MOCS1: variants seen among roughly 807,000 people sequenced by gnomAD.
MOCS1 encodes molybdenum cofactor synthesis 1.
In MOCS1, 39 loss-of-function variants were observed where a neutral mutation model predicts 57.6. The ratio of observed to expected loss-of-function variants is 0.68; its 90% CI spans 0.52 to 0.88. The LOEUF is 0.88. Among genes scored for constraint, MOCS1 ranks in the 40% least tolerant of loss-of-function variants. The pLI is 0.00. For missense variants in MOCS1, 795 were observed against 831.1 expected (o/e 0.96, Z 0.53); for synonymous variants, 334 against 335.7 (o/e 1.00, Z 0.05).
chr6:39,925,132 CAT>C (rs776393597), intron 3 of MOCS1, among the ~76,000 whole-genome samples: 18 of 152,296 alleles, frequency 1.2e-4, no homozygotes, highest in Middle Eastern at 3.4e-3. Context: ...GACAAAAACA[CAT>C]GTCGGCCCAG....
In MOCS1 at chr6:39,904,552, C is replaced by T. The variant is rs1562075641; in HGVS notation, c.*1805G>A. ...TCATCAACCTAACAAACACAACCTTCTCAGCAGCATTTCTCCCCTGTGATG... is the reference window on the plus strand; with the variant it reads ...TCATCAACCTAACAAACACAACCTTTTCAGCAGCATTTCTCCCCTGTGATG... On this transcript the variant is annotated 3_prime_UTR_variant, in exon 11 of 11. Coordinates refer to ENST00000340692, the MANE Select transcript of MOCS1 (RefSeq NM_001358530.2). 2.2e-6 allele frequency: 1 copy of T among 453,872 alleles called. No individual in the cohort carries two copies. Among genetic ancestry groups the T allele is most frequent in the Admixed American group, 2.3e-5 (1 of 42,568 alleles). 28.1% of individuals were successfully genotyped at this position (453,872 alleles called of 1,614,324 possible). A position where few individuals can be genotyped will look rare whatever the true frequency, so the allele number is the denominator to read the frequency against.
At chr6:39,931,787 G>T (rs1316493314) in intron 1 of MOCS1, among the ~76,000 whole-genome samples, 2 of 151,908 alleles carry the variant, frequency 1.3e-5, no homozygotes, top group African/African-American at 2.4e-5. Context: ...CCTTTGCCTT[G>T]CCTAGACTCA....
chr6:39,929,872 G>T (rs1768552720), intron 1 of MOCS1, among the ~76,000 whole-genome samples: 1 of 147,894 alleles, frequency 6.8e-6, no homozygotes, highest in Admixed American at 6.8e-5. Context: ...AACCCAGAAG[G>T]CAGATGTGGC....
At chr6:39,931,327 T>C (rs1386450163) in intron 1 of MOCS1, among the ~76,000 whole-genome samples, 1 of 152,102 alleles carries the variant, frequency 6.6e-6, no homozygotes, top group Non-Finnish European at 1.5e-5. Context: ...AGCCCTCAAA[T>C]AGCTCCAAAG....
rs1768246948 is a variant in MOCS1, at chr6:39,925,727, C to A, written c.369G>T (p.Arg123=). Residue 123 remains arginine, a synonymous_variant, in exon 3 of 11, where the codon CGG becomes CGT. Transcript: ENST00000340692. ...LFVKEGIDKI[R]LTGGEPLIRP... is the part of the protein sequence containing the mutation. ...GGATAAGCGGCTCTCCACCTGTGAG[C>A]CGGATCTTGTCGATGCCTTCCTTCA... 1 of 1,612,858 alleles carries A rather than the reference C, an allele frequency of 6.2e-7. No individual in the cohort carries two copies. The highest frequency in any genetic ancestry group is 8.5e-7 in the Non-Finnish European group (1 of 1,179,992).
intron 5 of MOCS1, 119 bp from the exon 6 acceptor site, chr6:39,913,547 C>A: frequency 1.0e-6 from 1 of 991,476 alleles, no homozygotes; most frequent in South Asian, 1.3e-5. Context: ...CCTTGCTTCT[C>A]CCACTCAGTT....
rs1368902536 is a variant in MOCS1, at chr6:39,927,470, C to G, written c.124-15G>C. On this transcript the variant is annotated splice_polypyrimidine_tract_variant and intron_variant, in intron 1 of 10. Transcript: ENST00000340692. The stretch of plus-strand genomic sequence containing the variant: ...CTGGACACCTCCTGCGAGGACAGAC[C>G]AGGGAGGAAGCATGGGCCCCTGCTA... The G allele has an allele frequency of 1.9e-6, 3 of 1,610,106 alleles. No homozygotes were observed. In the African/African-American group the frequency reaches 4.0e-5, roughly 22 times the overall value.
chr6:39,912,741 G>A (rs1402444493), intron 7 of MOCS1, 151 bp downstream of exon 7: 1 of 748,408 alleles, frequency 1.3e-6, no homozygotes, highest in African/African-American at 1.7e-5. Context: ...AAACAGGGAG[G>A]TGGTTGTGAT....
intron 1 of MOCS1, among the ~76,000 whole-genome samples, chr6:39,929,498 C>A (rs1657228761): frequency 6.6e-6 from 1 of 151,946 alleles, no homozygotes; most frequent in African/African-American, 2.4e-5. Flanking sequence ...GCCAAGATAC[C>A]CCCCCTCAAC....
Position 39,906,762 on chromosome 6 carries a change from T to C in MOCS1, c.1506A>G (p.Thr502=), listed in dbSNP as rs889104419. 3.1e-6 allele frequency: 5 copies of C among 1,614,118 alleles called. No homozygotes were observed. In the African/African-American group the frequency reaches 5.3e-5, roughly 17 times the overall value. The part of the protein sequence containing the change: ...AMVDVGRKPD[T]ERVAVASAVV... ...CGGCTGAAGCCACAGCCACCCGCTCTGTGTCTGGCTTCCTGCCCACATCTA... is the reference window on the plus strand; with the variant it reads ...CGGCTGAAGCCACAGCCACCCGCTCCGTGTCTGGCTTCCTGCCCACATCTA... The change falls in exon 11 of 11, where the codon ACA becomes ACG. Residue 502 remains threonine, a synonymous_variant. Transcript: ENST00000340692.
chr6:39,916,177 G>C lies in MOCS1; in HGVS notation c.474C>G (p.Ile158Met), dbSNP rs560167174. The C allele has an allele frequency of 6.2e-7, 1 of 1,614,048 alleles. No homozygotes were observed. Among genetic ancestry groups the C allele is most frequent in the Non-Finnish European group, 8.5e-7 (1 of 1,180,014 alleles). Reference protein sequence around the residue: ...LRTIGVTTNGINLARLLPQLQ... With the variant: ...LRTIGVTTNGMNLARLLPQLQ... Reference sequence around the variant, plus strand: ...GCTGGGGCAGTAGCCGGGCCAGGTTGATGCCATTGGTGGTAACACCTATGG... The same window carrying C: ...GCTGGGGCAGTAGCCGGGCCAGGTTCATGCCATTGGTGGTAACACCTATGG... Residue 158 changes from isoleucine (I) to methionine (M), a missense_variant, in exon 4 of 11, where the codon ATC becomes ATG. Around this residue, in one of 3 missense-constraint regions of MOCS1, gnomAD observed 416 missense variants for 392.4 expected, o/e 1.06. Coordinates refer to ENST00000340692, the MANE Select transcript of MOCS1 (RefSeq NM_001358530.2).
Position 39,934,344 on chromosome 6 carries a change from GC to G in MOCS1, c.73del (p.Ala25LeufsTer3). On this transcript the variant is annotated frameshift_variant, in exon 1 of 11. Transcript: ENST00000340692. LOFTEE classifies it high-confidence loss of function. ...CCCGGGGCAGGGCTGGGTCACCGGA[GC>G]CCCTGAGCTGCAGCTCCGGGCGCTG... The part of the protein sequence containing the change: ...RSSARSCSSG[A>X]PVTQPCPGES... 2 of 1,553,028 alleles carry G rather than the reference GC, an allele frequency of 1.3e-6. No homozygotes were observed.
At chr6:39,911,810 C>G (rs1767346798) in intron 8 of MOCS1, among the ~76,000 whole-genome samples, 1 of 152,242 alleles carries the variant, frequency 6.6e-6, no homozygotes, top group Non-Finnish European at 1.5e-5. Context: ...TTTGGTCTTG[C>G]CTGTGAGTCT....
rs1316024440 is a variant in MOCS1 at position 39,909,232 on chromosome 6, G to GA, written c.1103-131_1103-130insT. On this transcript the variant is annotated intron_variant, in intron 9 of 10. Coordinates refer to ENST00000340692, the MANE Select transcript of MOCS1 (RefSeq NM_001358530.2). ...GGGAGAGGAAAGCAGGGGAGGGGGA[G>GA]GGGAGAGGGAGAGGAAAGCAGGGGA... 6.8e-3 allele frequency: 5 copies of GA among 732 alleles called. 1 individual carries two copies. Among genetic ancestry groups the GA allele is most frequent in the Admixed American group, 0.032 (2 of 62 alleles). The allele number at this position is 732 out of a possible 1,614,324, so 0.0% of individuals were successfully genotyped here. A position where few individuals can be genotyped will look rare whatever the true frequency, so the allele number is the denominator to read the frequency against.
In MOCS1 at chr6:39,906,631, A is replaced by C. The variant is rs2149396008; in HGVS notation, c.1637T>G (p.Val546Gly). 1.2e-6 allele frequency: 2 copies of C among 1,613,762 alleles called. No individual in the cohort carries two copies. ...AQLAGVQAAKVTSQLIPLCHH... is the reference protein window; with the variant it reads ...AQLAGVQAAKGTSQLIPLCHH... ...GCACAGAGGGATCAGCTGGCTGGTCACCTTGGCTGCCTGGACTCCAGCCAG... is the reference window on the plus strand; with the variant it reads ...GCACAGAGGGATCAGCTGGCTGGTCCCCTTGGCTGCCTGGACTCCAGCCAG... Residue 546 changes from valine to glycine, a missense_variant, in exon 11 of 11, where the codon GTG becomes GGG. Coordinates refer to ENST00000340692, the MANE Select transcript of MOCS1 (RefSeq NM_001358530.2).
At chr6:39,915,998 C>T in intron 4 of MOCS1, 70 bp downstream of exon 4, 1 of 1,527,598 alleles carries the variant, frequency 6.5e-7, no homozygotes, top group Non-Finnish European at 8.9e-7. Flanking sequence ...CCTGGCTCAG[C>T]AATGGCCATG....
Position 39,923,847 on chromosome 6 carries a change from C to T in MOCS1, c.418+1831G>A, listed in dbSNP as rs543733324. Among the ~76,000 whole-genome samples, 11 of 152,346 alleles carry T rather than the reference C, an allele frequency of 7.2e-5. No homozygotes were observed. In the East Asian group the frequency reaches 1.7e-3, roughly 24 times the overall value. ...CTAGGCTCCCCTTATACAGCAGCTG[C>T]TTCCTCCAGTGGGCCACAGGTCCTC... On this transcript the variant is annotated intron_variant, in intron 3 of 10. Transcript: ENST00000340692.
At chr6:39,921,905 A>AT (rs1305848975) in intron 3 of MOCS1, among the ~76,000 whole-genome samples, 4 of 152,052 alleles carry the variant, frequency 2.6e-5, no homozygotes, top group Non-Finnish European at 4.4e-5. Context: ...CTCAATAGTT[A>AT]TTTTTTCTGA....
chr6:39,921,760 C>G (rs1328336444), intron 3 of MOCS1, among the ~76,000 whole-genome samples: 1 of 152,068 alleles, frequency 6.6e-6, no homozygotes, highest in Non-Finnish European at 1.5e-5. Context: ...AAGGAAGAAG[C>G]TGCCGCAATG....
Sources: allele counts gnomAD v4.1 joint callset (sites outside exome capture counted in the v4.1 genomes callset), GRCh38; gene constraint gnomAD v4.1.1; regional missense constraint gnomAD v4.1.1; transcripts MANE v1.5; gene names NCBI Gene and HGNC (gene_info 2026-07-23, HGNC 2026-07-21).